The following TNFRSF10B variants were observed in gnomAD, a reference collection of about 807,000 sequenced individuals.
TNFRSF10B encodes TNF receptor superfamily member 10b.
In TNFRSF10B, 35 loss-of-function variants were observed where a neutral mutation model predicts 41.4. The observed-to-expected ratio is 0.85, with a 90% CI of 0.65 to 1.12. The LOEUF (loss-of-function observed/expected upper bound fraction) is 1.12, where lower values mean the gene tolerates loss of function less well. TNFRSF10B is among the 50% of genes most tolerant of loss of function. TNFRSF10B has a pLI of 0.00. For missense variants in TNFRSF10B, 584 were observed against 552.7 expected (o/e 1.06, Z -0.57); for synonymous variants, 230 against 215.5 (o/e 1.07, Z -0.59).
intron 1 of TNFRSF10B, among the ~76,000 whole-genome samples, chr8:23,057,247 G>A (rs1407306506): frequency 6.6e-6 from 1 of 151,254 alleles, no homozygotes; most frequent in Non-Finnish European, 1.5e-5. Flanking sequence ...GGGTTTCACT[G>A]TGTTAGCCAG....
chr8:23,027,730 C>T lies in TNFRSF10B; in HGVS notation c.772G>A (p.Val258Met). ...TGGAGAAATCAACTCACTCTGTCCA[C>T]ACGCTCAGGGTCCCCACCACCACCT... ...CSGGGGDPER[V>M]DRSSQRPGAE... is the part of the protein sequence containing the mutation. The change falls in exon 6 of 9, where the codon GTG becomes ATG. Residue 258 changes from valine to methionine, a missense_variant. Coordinates refer to ENST00000276431, the MANE Select transcript of TNFRSF10B (RefSeq NM_003842.5). The T allele has an allele frequency of 1.2e-6, 2 of 1,614,116 alleles. No homozygotes were observed. The highest frequency in any genetic ancestry group is 2.7e-5 in the African/African-American group (2 of 75,034).
chr8:23,051,086 A>C (rs1339388373), intron 1 of TNFRSF10B, among the ~76,000 whole-genome samples: 2 of 152,134 alleles, frequency 1.3e-5, no homozygotes, highest in Non-Finnish European at 2.9e-5. Flanking sequence ...GGTCTTACGA[A>C]TCTATAAAAT....
chr8:23,043,764 G>T (rs1425861807), intron 1 of TNFRSF10B, among the ~76,000 whole-genome samples: 1 of 152,216 alleles, frequency 6.6e-6, no homozygotes, highest in Non-Finnish European at 1.5e-5. Context: ...AGAGAGCCCA[G>T]AAATGAACTT....
intron 1 of TNFRSF10B, among the ~76,000 whole-genome samples, chr8:23,059,015 C>T (rs889276765): frequency 4.6e-5 from 7 of 152,124 alleles, no homozygotes; most frequent in Non-Finnish European, 1.5e-5. Context: ...CCCATTCTTC[C>T]CTCCTTACAA....
intron 2 of TNFRSF10B, among the ~76,000 whole-genome samples, chr8:23,040,908 AG>A (rs1321097351): frequency 6.6e-6 from 1 of 152,186 alleles, no homozygotes; most frequent in Admixed American, 6.5e-5. Context: ...ATTTAATAAT[AG>A]TGTTGGGGCA....
At chr8:23,056,331 A>T (rs539063170) in intron 1 of TNFRSF10B, among the ~76,000 whole-genome samples, 4 of 152,192 alleles carry the variant, frequency 2.6e-5, no homozygotes, top group Non-Finnish European at 5.9e-5. Flanking sequence ...TTTTTTCAGG[A>T]CTTGTTTTTG....
rs981647267 is a variant in TNFRSF10B at position 23,020,729 on chromosome 8, A to T, written c.*1942T>A. 1 of 453,896 alleles carries T rather than the reference A, an allele frequency of 2.2e-6. No homozygotes were observed. Among genetic ancestry groups the T allele is most frequent in the African/African-American group, 2.0e-5 (1 of 49,976 alleles). 28.1% of individuals were successfully genotyped at this position (453,896 alleles called of 1,614,324 possible). A position where few individuals can be genotyped will look rare whatever the true frequency, so the allele number is the denominator to read the frequency against. On this transcript the variant is annotated 3_prime_UTR_variant, in exon 9 of 9. Coordinates refer to ENST00000276431, the MANE Select transcript of TNFRSF10B (RefSeq NM_003842.5). ...AATAAAAGAAAAATCTTAAACACTG[A>T]TAAGGCTGACACTCTAGATGCATCT...
rs767005228 is a variant in TNFRSF10B, at chr8:23,068,796, C to A, written c.99G>T (p.Arg33=). ...REARGARPGP[R]VPKTLVLVVA... ...CAACGAGCACAAGGGTCTTGGGGAC[C>A]CGGGGCCCAGGCCTGGCTCCCCGCG... Residue 33 remains arginine (R), a synonymous_variant, in exon 1 of 9, where the codon CGG becomes CGT. Transcript: ENST00000276431. 1.1e-5 allele frequency: 18 copies of A among 1,609,040 alleles called. No homozygotes were observed. In the South Asian group the frequency reaches 1.8e-4, roughly 16 times the overall value.
At chr8:23,059,410 A>C (rs148033980) in intron 1 of TNFRSF10B, among the ~76,000 whole-genome samples, 16 of 152,256 alleles carry the variant, frequency 1.1e-4, no homozygotes, top group African/African-American at 2.9e-4. Flanking sequence ...GAACTATCAT[A>C]CTGTTTTCCA....
At chr8:23,057,341 G>A (rs1293348990) in intron 1 of TNFRSF10B, among the ~76,000 whole-genome samples, 1 of 151,100 alleles carries the variant, frequency 6.6e-6, no homozygotes, top group African/African-American at 2.5e-5. Flanking sequence ...CACCGCGCCT[G>A]GCCCTTTTAT....
chr8:23,021,265 T>TGA lies in TNFRSF10B; in HGVS notation c.*1405_*1406insTC, dbSNP rs764818595. On this transcript the variant is annotated 3_prime_UTR_variant, in exon 9 of 9. Transcript: ENST00000276431. ...TTCTAGGTCCTGTTGCCACAGTGTT[T>TGA]AAGAATTGACATTTCTGAGATGAGT... 1 of 454,132 alleles carries TGA rather than the reference T, an allele frequency of 2.2e-6. No homozygotes were observed. The highest frequency in any genetic ancestry group is 4.4e-6 in the Non-Finnish European group (1 of 226,798). The allele number at this position is 454,132 out of a possible 1,614,324, so 28.1% of individuals were successfully genotyped here. A position where few individuals can be genotyped will look rare whatever the true frequency, so the allele number is the denominator to read the frequency against.
intron 1 of TNFRSF10B, among the ~76,000 whole-genome samples, chr8:23,049,619 G>A (rs2128817801): frequency 6.6e-6 from 1 of 152,276 alleles, no homozygotes; most frequent in South Asian, 2.1e-4. Context: ...TTACATGTAG[G>A]CATATAGCTT....
Position 23,021,659 on chromosome 8 carries a change from GGATCCAGTTC to G in TNFRSF10B, c.*1002_*1011del. On this transcript the variant is annotated 3_prime_UTR_variant, in exon 9 of 9. Transcript: ENST00000276431. Reference sequence around the variant, plus strand: ...ACCAGCCACACACAGGACTTCACGTGGATCCAGTTCTCTTTGGTCCCGACTCATATGTAAA... The same window carrying G: ...ACCAGCCACACACAGGACTTCACGTGTCTTTGGTCCCGACTCATATGTAAA... 2.2e-6 allele frequency: 1 copy of G among 454,080 alleles called. No individual in the cohort carries two copies. The highest frequency in any genetic ancestry group is 1.6e-5 in the South Asian group (1 of 64,472). 28.1% of individuals were successfully genotyped at this position (454,080 alleles called of 1,614,324 possible).
At chr8:23,033,183 G>T (rs1585210662) in intron 2 of TNFRSF10B, among the ~76,000 whole-genome samples, 1 of 152,192 alleles carries the variant, frequency 6.6e-6, no homozygotes, top group African/African-American at 2.4e-5. Context: ...TAAATGAAAG[G>T]TAATGGAGCA....
At chr8:23,029,478 G>T in intron 4 of TNFRSF10B, 132 bp downstream of exon 4, 1 of 835,528 alleles carries the variant, frequency 1.2e-6, no homozygotes, top group Non-Finnish European at 2.0e-6. Context: ...ACACGCAGAG[G>T]GACCAGGAGG....
intron 1 of TNFRSF10B, among the ~76,000 whole-genome samples, chr8:23,065,573 G>T (rs536711121): frequency 6.6e-6 from 1 of 152,332 alleles, no homozygotes; most frequent in Admixed American, 6.5e-5. Context: ...GCATGCCAGG[G>T]TGCTGGCGAG....
chr8:23,024,111 G>A (rs574364850), intron 8 of TNFRSF10B, 77 bp downstream of exon 8: 1 of 1,582,820 alleles, frequency 6.3e-7, no homozygotes, highest in South Asian at 1.1e-5. Flanking sequence ...AGAGCCCTCT[G>A]ACCTCTGGGG....
At position 23,022,940 on chromosome 8, in the gene TNFRSF10B, CAAAG is replaced by C; in HGVS notation, c.1050_1053del (p.Phe351ThrfsTer7). ...TTCCTCATGAGCGGCTCCCAGGAGT[CAAAG>C]GGCACCAAGTCTGCAAAGTCATCGA... On this transcript the variant is annotated frameshift_variant, in exon 9 of 9. Coordinates refer to ENST00000276431, the MANE Select transcript of TNFRSF10B (RefSeq NM_003842.5). LOFTEE classifies it low-confidence loss of function (END_TRUNC). 1 of 1,613,774 alleles carries C rather than the reference CAAAG, an allele frequency of 6.2e-7. No homozygotes were observed. Among genetic ancestry groups the C allele is most frequent in the Non-Finnish European group, 8.5e-7 (1 of 1,180,006 alleles).
chr8:23,052,108 G>A (rs946265387), intron 1 of TNFRSF10B, among the ~76,000 whole-genome samples: 6 of 151,850 alleles, frequency 4.0e-5, no homozygotes, highest in African/African-American at 1.5e-4. Context: ...CTGGGTAAAT[G>A]ATTAAAATAA....
Sources: allele counts gnomAD v4.1 joint callset (sites outside exome capture counted in the v4.1 genomes callset), GRCh38; gene constraint gnomAD v4.1.1; transcripts MANE v1.5; gene names NCBI Gene and HGNC (gene_info 2026-07-23, HGNC 2026-07-21).